The following KLHL13 variants were observed in gnomAD, a reference collection of about 807,000 sequenced individuals.
The protein encoded by KLHL13 is kelch-like protein 13.
A neutral mutation model predicts 37.1 loss-of-function variants in KLHL13; 10 were observed. The ratio of observed to expected loss-of-function variants is 0.27; its 90% CI spans 0.17 to 0.46. The LOEUF is 0.46. Ranked by LOEUF, KLHL13 falls within the 20% of genes least tolerant of loss-of-function variation. The pLI, the probability that KLHL13 is intolerant of heterozygous loss-of-function variation, is 1.00. For synonymous variants in KLHL13, 163 were observed against 181.2 expected, an observed-to-expected ratio of 0.90 and a Z score of 0.81; for missense variants, 360 against 509.3, an observed-to-expected ratio of 0.71 and a Z score of 2.82.
chrX:118,086,710 T>C (rs149437196), intron 1 of KLHL13, among the ~76,000 whole-genome samples: 3,187 of 111,613 alleles, frequency 0.029, 110 homozygotes, highest in African/African-American at 0.097. Flanking sequence ...GTAAGCAAAG[T>C]AAATAAACAA....
intron 1 of KLHL13, among the ~76,000 whole-genome samples, chrX:117,984,157 T>C (rs2053697263): frequency 9.0e-6 from 1 of 111,680 alleles, no homozygotes. Flanking sequence ...GTCATACATC[T>C]AGCTCTTTTG....
In KLHL13 at chrX:118,019,590, T is replaced by A. The variant is rs28871411; in HGVS notation, c.-55-74015A>T. Among the ~76,000 whole-genome samples, 596 of 111,544 alleles carry A rather than the reference T, an allele frequency of 5.3e-3. 5 individuals are homozygous for A. The highest frequency in any genetic ancestry group is 0.017 in the African/African-American group (517 of 30,530). ...CCCATGCCTATGTTCTGAATGGTAT[T>A]GCCTAGGTTTCCTTCTAGGGTTTTT... On this transcript the variant is annotated intron_variant, in intron 1 of 6. Transcript: ENST00000371882.
intron 1 of KLHL13, among the ~76,000 whole-genome samples, chrX:118,077,477 A>T (rs1382581541): frequency 4.6e-5 from 5 of 109,411 alleles, no homozygotes; most frequent in Non-Finnish European, 9.5e-5. Flanking sequence ...TAGGGGGTGC[A>T]TTATGATTAA....
At chrX:117,920,523 T>G (rs994797191) in intron 2 of KLHL13, among the ~76,000 whole-genome samples, 153 bp from the exon 4 acceptor site, 1 of 112,490 alleles carries the variant, frequency 8.9e-6, no homozygotes, top group Admixed American at 9.4e-5. Context: ...ACTGCACAAC[T>G]TTCCTGATAT....
intron 2 of KLHL13, among the ~76,000 whole-genome samples, chrX:117,935,744 A>G (rs1932744964): frequency 9.0e-6 from 1 of 111,212 alleles, no homozygotes; most frequent in Non-Finnish European, 1.9e-5. Context: ...ATTGCCTCCC[A>G]CCAAGCCCCT....
intron 2 of KLHL13, among the ~76,000 whole-genome samples, chrX:117,921,774 T>G (rs762511193): frequency 8.9e-6 from 1 of 112,462 alleles, no homozygotes; most frequent in East Asian, 2.8e-4. Flanking sequence ...ATTTTAATTT[T>G]AAAGCTTTTT....
intron 1 of KLHL13, among the ~76,000 whole-genome samples, chrX:118,035,503 C>T (rs1351280296): frequency 9.1e-6 from 1 of 109,463 alleles, no homozygotes; most frequent in African/African-American, 3.5e-5. Flanking sequence ...ACATGATTAT[C>T]TCAAAAGATG....
At chrX:118,098,642 A>G (rs2055243809) in intron 1 of KLHL13, among the ~76,000 whole-genome samples, 4 of 107,069 alleles carry the variant, frequency 3.7e-5, no homozygotes, top group African/African-American at 6.9e-5. Flanking sequence ...TTATAGCGGC[A>G]CTATTCACAA....
chrX:117,937,279 T>C lies in KLHL13; in HGVS notation c.240+8155A>G, dbSNP rs1219720123. ...GAAAACATAATTTTTAATAGACTTT[T>C]AAATAGAGCATAGAAGGGTTTTAAT... is the stretch of plus-strand genomic sequence containing the variant. On this transcript the variant is annotated intron_variant, in intron 2 of 6. Transcript: ENST00000262820. 4.5e-5 allele frequency among the ~76,000 whole-genome samples: 5 copies of C among 112,097 alleles called. 1 individual carries two copies. Among genetic ancestry groups the C allele is most frequent in the African/African-American group, 1.6e-4 (5 of 30,886 alleles).
chrX:118,087,009 A>G (rs1410025188), intron 1 of KLHL13, among the ~76,000 whole-genome samples: 2 of 111,718 alleles, frequency 1.8e-5, no homozygotes, highest in Non-Finnish European at 1.9e-5. Flanking sequence ...ACTGCTAGAC[A>G]TGACATTTAA....
intron 1 of KLHL13, chrX:117,985,399 C>A: frequency 4.4e-6 from 4 of 906,621 alleles, no homozygotes; most frequent in Admixed American, 5.6e-5. Context: ...CTGCCTGGTA[C>A]AACACTTCAG....
At chrX:118,000,120 T>C (rs2053903082) in intron 1 of KLHL13, among the ~76,000 whole-genome samples, 1 of 111,861 alleles carries the variant, frequency 8.9e-6, no homozygotes, top group Non-Finnish European at 1.9e-5. Context: ...ATGCCAAAGA[T>C]TAATCAGTTA....
At chrX:118,065,073 T>C (rs1026286709) in intron 1 of KLHL13, among the ~76,000 whole-genome samples, 1 of 111,701 alleles carries the variant, frequency 9.0e-6, no homozygotes, top group Admixed American at 9.5e-5. Flanking sequence ...ACGTTCACTA[T>C]GTGGATGACT....
At chrX:117,989,384 G>T (rs2053762488) in intron 1 of KLHL13, among the ~76,000 whole-genome samples, 1 of 108,262 alleles carries the variant, frequency 9.2e-6, no homozygotes, top group Non-Finnish European at 1.9e-5. Flanking sequence ...ACCTAATTTG[G>T]TGTTTATTAG....
intron 6 of KLHL13, 45 bp from the exon 8 acceptor site, chrX:117,899,440 T>C (rs768513244): frequency 7.4e-6 from 8 of 1,083,318 alleles, no homozygotes; most frequent in Non-Finnish European, 1.0e-5. Context: ...ATTATAGAAA[T>C]GCAAAAGTAA....
chrX:118,034,415 C>G (rs1461000036), intron 1 of KLHL13, among the ~76,000 whole-genome samples: 5 of 93,860 alleles, frequency 5.3e-5, no homozygotes, highest in Non-Finnish European at 1.0e-4. Context: ...TGCAATCAAA[C>G]TAGAACTCAG....
In KLHL13 at chrX:117,951,294, T is replaced by C. The variant is rs1933586003; in HGVS notation, c.99-5719A>G. Among the ~76,000 whole-genome samples the C allele has an allele frequency of 6.2e-5, 7 of 112,094 alleles. No individual in the cohort carries two copies. The South Asian group carries it at 2.6e-3, about 42-fold the overall frequency. On this transcript the variant is annotated intron_variant, in intron 1 of 6. Transcript: ENST00000262820. ...TTAAAATTTCAAATATTGAAAGATT[T>C]GTCCCCCAACTAAAATGTCATTTAT...
chrX:117,994,032 G>A (rs939317443), intron 1 of KLHL13, among the ~76,000 whole-genome samples: 28 of 110,392 alleles, frequency 2.5e-4, no homozygotes, highest in African/African-American at 8.9e-4. Context: ...CACCACGCCC[G>A]GCCTGCTGCA....
At chrX:117,986,703 A>T (rs1235475064) in intron 1 of KLHL13, among the ~76,000 whole-genome samples, 2 of 111,381 alleles carry the variant, frequency 1.8e-5, no homozygotes, top group Non-Finnish European at 3.8e-5. Flanking sequence ...ACTTTCCTGA[A>T]CTCAACCCAT....
Sources: gnomAD v4.1 joint callset for allele counts (sites outside exome capture counted in the v4.1 genomes callset) on GRCh38, gnomAD v4.1.1 for gene constraint, MANE v1.5 for transcripts, NCBI Gene and HGNC (gene_info 2026-07-23, HGNC 2026-07-21) for gene names.